Variants in IKZF2 observed in about 807,000 individuals in gnomAD.
The protein encoded by IKZF2 is IKAROS family zinc finger 2.
In IKZF2, 15 loss-of-function variants were observed where a neutral mutation model predicts 49.2. The ratio of observed to expected loss-of-function variants is 0.30; its 90% CI spans 0.20 to 0.47. The LOEUF is 0.47. IKZF2 is among the 20% of genes least tolerant of loss of function. IKZF2 has a pLI of 1.00. For missense variants in IKZF2, 567 were observed against 664.6 expected (o/e 0.85, Z 1.61); for synonymous variants, 227 against 221.4 (o/e 1.03, Z -0.23).
At chr2:213,079,376 A>G (rs996458637) in intron 4 of IKZF2, among the ~76,000 whole-genome samples, 1 of 151,182 alleles carries the variant, frequency 6.6e-6, no homozygotes, top group African/African-American at 2.4e-5. Flanking sequence ...AGAAAAGAAA[A>G]AAGAAGGAAA....
intron 4 of IKZF2, among the ~76,000 whole-genome samples, chr2:213,126,362 G>T (rs1446500790): frequency 6.6e-6 from 1 of 152,154 alleles, no homozygotes; most frequent in Non-Finnish European, 1.5e-5. Context: ...TGAGAGTAGG[G>T]TCAATGCTGC....
At chr2:213,063,932 T>C (rs1282550547) in intron 4 of IKZF2, among the ~76,000 whole-genome samples, 2 of 151,944 alleles carry the variant, frequency 1.3e-5, no homozygotes, top group African/African-American at 4.8e-5. Context: ...TCCCGAATGG[T>C]CAGATAAAGA....
chr2:213,104,261 CAA>C (rs75972033), intron 4 of IKZF2, among the ~76,000 whole-genome samples: 20 of 78,104 alleles, frequency 2.6e-4, no homozygotes, highest in Admixed American at 3.0e-4. Context: ...TTCTAACGGA[CAA>C]AAAAAAAAAA....
intron 4 of IKZF2, among the ~76,000 whole-genome samples, chr2:213,123,401 T>C (rs77487120): frequency 0.014 from 2,178 of 152,296 alleles, 44 homozygotes; most frequent in African/African-American, 0.05. Context: ...AGCAATGGAT[T>C]TCTGTTTCCA....
At chr2:213,035,100 C>A (rs1283581430) in intron 6 of IKZF2, among the ~76,000 whole-genome samples, 1 of 152,040 alleles carries the variant, frequency 6.6e-6, no homozygotes, top group African/African-American at 2.4e-5. Context: ...CAAATTCTAA[C>A]CCTAATGCCA....
chr2:213,062,958 T>C (rs1305840385), intron 4 of IKZF2, among the ~76,000 whole-genome samples: 1 of 152,012 alleles, frequency 6.6e-6, no homozygotes, highest in Non-Finnish European at 1.5e-5. Flanking sequence ...TTACCAACAG[T>C]CTAAACAATT....
intron 6 of IKZF2, among the ~76,000 whole-genome samples, chr2:213,048,044 G>A (rs987562412): frequency 1.3e-5 from 2 of 152,030 alleles, no homozygotes; most frequent in Non-Finnish European, 2.9e-5. Flanking sequence ...CTATTATGAA[G>A]AAAATTAGGG....
intron 6 of IKZF2, among the ~76,000 whole-genome samples, chr2:213,047,287 A>G (rs984677186): frequency 2.0e-5 from 3 of 152,170 alleles, no homozygotes; most frequent in African/African-American, 7.2e-5. Flanking sequence ...TACCCCATGT[A>G]TCACCACACA....
At chr2:213,078,004 T>C (rs953128998) in intron 4 of IKZF2, among the ~76,000 whole-genome samples, 32 of 152,122 alleles carry the variant, frequency 2.1e-4, no homozygotes, top group Admixed American at 1.4e-3. Flanking sequence ...TGGGTTAGAG[T>C]AGAAGATTGC....
At chr2:213,030,589 C>T (rs1298591780) in intron 6 of IKZF2, among the ~76,000 whole-genome samples, 2 of 151,996 alleles carry the variant, frequency 1.3e-5, no homozygotes, top group East Asian at 1.9e-4. Flanking sequence ...TGTATATGAG[C>T]ATTATCAGAG....
chr2:213,016,351 C>G (rs1351132478), intron 7 of IKZF2, among the ~76,000 whole-genome samples: 1 of 152,058 alleles, frequency 6.6e-6, no homozygotes, highest in African/African-American at 2.4e-5. Context: ...CAGAGCCTGG[C>G]TCAACCATTA....
At chr2:213,068,932 C>CACACACAT (rs1702410652) in intron 4 of IKZF2, among the ~76,000 whole-genome samples, 1 of 151,734 alleles carries the variant, frequency 6.6e-6, no homozygotes, top group African/African-American at 2.4e-5. Flanking sequence ...CACACACACA[C>CACACACAT]ACACACACAC....
intron 5 of IKZF2, among the ~76,000 whole-genome samples, chr2:213,052,537 A>C (rs1285010463): frequency 6.6e-6 from 1 of 152,066 alleles, no homozygotes; most frequent in East Asian, 1.9e-4. Flanking sequence ...TGATTATATG[A>C]AAAGATAATT....
At chr2:213,074,576 T>C (rs529807062) in intron 4 of IKZF2, among the ~76,000 whole-genome samples, 10 of 152,302 alleles carry the variant, frequency 6.6e-5, no homozygotes, top group South Asian at 6.2e-4. Flanking sequence ...GATGGAACAT[T>C]AGTTAGAATA....
chr2:213,083,795 T>G (rs539998507), intron 4 of IKZF2, among the ~76,000 whole-genome samples: 2 of 149,412 alleles, frequency 1.3e-5, no homozygotes, highest in East Asian at 3.9e-4. Context: ...TGTCACTGTC[T>G]CCCATCACCC....
intron 4 of IKZF2, among the ~76,000 whole-genome samples, chr2:213,118,599 A>C (rs2059951860): frequency 6.6e-6 from 1 of 152,218 alleles, no homozygotes; most frequent in Non-Finnish European, 1.5e-5. Context: ...ATGCCACCTA[A>C]AACTTTTTTT....
At chr2:213,102,615 TA>T (rs2125710861) in intron 4 of IKZF2, among the ~76,000 whole-genome samples, 1 of 149,626 alleles carries the variant, frequency 6.7e-6, no homozygotes, top group African/African-American at 2.5e-5. Context: ...AAATAATGCA[TA>T]AAAATCCACA....
At chr2:213,150,056 G>T in intron 2 of IKZF2, 88 bp downstream of exon 2, 1 of 616,450 alleles carries the variant, frequency 1.6e-6, no homozygotes, top group Non-Finnish European at 2.6e-6. Context: ...AGCGAAAGAA[G>T]GCTGCCCCAT....
At chr2:213,062,684 A>T (rs180967889) in intron 4 of IKZF2, among the ~76,000 whole-genome samples, 147 of 152,088 alleles carry the variant, frequency 9.7e-4, no homozygotes, top group Non-Finnish European at 1.9e-3. Context: ...AAGGGATTTT[A>T]TAACTTATAA....
Sources: gnomAD v4.1 joint callset for allele counts (sites outside exome capture counted in the v4.1 genomes callset) on GRCh38, gnomAD v4.1.1 for gene constraint, MANE v1.5 for transcripts, NCBI Gene and HGNC (gene_info 2026-07-23, HGNC 2026-07-21) for gene names.